The following ESRP1 variants were observed in gnomAD, a reference collection of about 807,000 sequenced individuals.
ESRP1 encodes RNA-binding motif protein 35A.
A neutral mutation model predicts 81.7 loss-of-function variants in ESRP1; 33 were observed. The observed-to-expected ratio is 0.40, with a 90% CI of 0.31 to 0.54. The LOEUF (loss-of-function observed/expected upper bound fraction) is 0.54. ESRP1 is among the 20% of genes least tolerant of loss of function. The pLI is 0.41. For synonymous variants in ESRP1, 320 were observed against 303.3 expected, an observed-to-expected ratio of 1.06 and a Z score of -0.57; for missense variants, 672 against 833.1, an observed-to-expected ratio of 0.81 and a Z score of 2.38.
chr8:94,643,418 T>TA lies in ESRP1; in HGVS notation c.375+4dup. On this transcript the variant is annotated splice_region_variant and intron_variant, in intron 3 of 15. Coordinates refer to ENST00000433389, the MANE Select transcript of ESRP1 (RefSeq NM_017697.4). ...CTGCATCCTGAGGCTTCCAAGAAGG[T>TA]AAGAGTGCTGGCTTCTGGGAAAAAA... The TA allele has an allele frequency of 6.2e-7, 1 of 1,602,426 alleles. No individual in the cohort carries two copies.
intron 13 of ESRP1, among the ~76,000 whole-genome samples, chr8:94,687,805 T>G (rs1809201939): frequency 6.6e-6 from 1 of 152,190 alleles, no homozygotes. Context: ...ATATTCTAAA[T>G]ATGAGATCTT....
intron 13 of ESRP1, among the ~76,000 whole-genome samples, chr8:94,686,410 C>G (rs1809142692): frequency 6.6e-6 from 1 of 152,190 alleles, no homozygotes; most frequent in African/African-American, 2.4e-5. Context: ...CTGTGATGCT[C>G]TAGCAGTTTT....
At chr8:94,649,215 T>A (rs1817995109) in intron 4 of ESRP1, among the ~76,000 whole-genome samples, 2 of 152,144 alleles carry the variant, frequency 1.3e-5, no homozygotes, top group Admixed American at 6.6e-5. Flanking sequence ...TAAAAAAAAA[T>A]TATTTTTCAA....
chr8:94,702,014 G>T (rs1472983443), intron 15 of ESRP1, among the ~76,000 whole-genome samples: 1 of 152,196 alleles, frequency 6.6e-6, no homozygotes, highest in African/African-American at 2.4e-5. Context: ...GGAGGTCGAG[G>T]TTGCGGTGAG....
chr8:94,682,656 C>CCAATGTGCTGGGAGTA (rs1563540574), intron 13 of ESRP1, among the ~76,000 whole-genome samples: 1 of 74,950 alleles, frequency 1.3e-5, no homozygotes, highest in East Asian at 1.0e-3. Context: ...TGTGAGCCAC[C>CCAATGTGCTGGGAGTA]ATGCCCAGCC....
chr8:94,704,738 G>A (rs967685029), intron 15 of ESRP1, among the ~76,000 whole-genome samples: 1 of 135,204 alleles, frequency 7.4e-6, no homozygotes, highest in Admixed American at 8.0e-5. Flanking sequence ...TCCAGCCTGG[G>A]TGACAATGCA....
At chr8:94,661,006 C>T (rs1469370942) in intron 4 of ESRP1, among the ~76,000 whole-genome samples, 1 of 152,054 alleles carries the variant, frequency 6.6e-6, no homozygotes, top group African/African-American at 2.4e-5. Context: ...TCACTGAGGG[C>T]TCAGATGATT....
intron 14 of ESRP1, among the ~76,000 whole-genome samples, chr8:94,693,554 CT>C (rs1248906806): frequency 6.6e-6 from 1 of 152,220 alleles, no homozygotes; most frequent in Non-Finnish European, 1.5e-5. Context: ...TAAATTCCTT[CT>C]TTCCTGCCAT....
At chr8:94,703,931 A>C (rs1282795361) in intron 15 of ESRP1, among the ~76,000 whole-genome samples, 4 of 152,168 alleles carry the variant, frequency 2.6e-5, no homozygotes, top group Non-Finnish European at 4.4e-5. Flanking sequence ...GATACTGATC[A>C]ATAGTGTTGG....
chr8:94,641,958 G>A lies in ESRP1; in HGVS notation c.135G>A (p.Val45=), dbSNP rs1390609662. ...CCCGTGCTTCTCTACCTTCGGAGGT[G>A]GGACAGTTGCACGAAGTGCTAGTTA... ...WKVVDLANKK[V]GQLHEVLVRP... The change falls in exon 2 of 16, where the codon GTG becomes GTA. Residue 45 remains valine, a splice_region_variant and synonymous_variant. Transcript: ENST00000433389. 6.2e-7 allele frequency: 1 copy of A among 1,613,710 alleles called. No individual in the cohort carries two copies. The highest frequency in any genetic ancestry group is 8.5e-7 in the Non-Finnish European group (1 of 1,179,784).
In ESRP1 at chr8:94,654,750, T is replaced by A. The variant is rs571480373; in HGVS notation, c.491-7522T>A. On this transcript the variant is annotated intron_variant, in intron 4 of 15. Transcript: ENST00000433389. ...CAGCCTAAGCAACACAGGGAGACCC[T>A]GTCTCTACAAAAATAAATCTAAAAA... is the stretch of plus-strand genomic sequence containing the variant. Among the ~76,000 whole-genome samples the A allele has an allele frequency of 4.6e-5, 7 of 152,096 alleles. No homozygotes were observed. In the South Asian group the frequency reaches 1.5e-3, roughly 32 times the overall value.
chr8:94,684,136 T>C (rs1362104529), intron 13 of ESRP1, among the ~76,000 whole-genome samples: 1 of 124,756 alleles, frequency 8.0e-6, no homozygotes, highest in East Asian at 2.8e-4. Context: ...TGTGAGCCAC[T>C]GCGCACGCCT....
At chr8:94,679,327 G>A (rs890870495) in intron 13 of ESRP1, among the ~76,000 whole-genome samples, 5 of 152,204 alleles carry the variant, frequency 3.3e-5, no homozygotes, top group Non-Finnish European at 7.3e-5. Flanking sequence ...AAAAGGCTAA[G>A]AAGCATGAGT....
In ESRP1 at chr8:94,642,005, C is replaced by G; in HGVS notation, c.182C>G (p.Thr61Arg). The G allele has an allele frequency of 6.2e-7, 1 of 1,613,992 alleles. No individual in the cohort carries two copies. The highest frequency in any genetic ancestry group is 8.5e-7 in the Non-Finnish European group (1 of 1,179,886). Residue 61 changes from threonine (T) to arginine (R), a missense_variant, in exon 2 of 16, where the codon ACG becomes AGG. Coordinates refer to ENST00000433389, the MANE Select transcript of ESRP1 (RefSeq NM_017697.4). ...GTTAGACCGGATCAGTTGGAACTGACGGAGGACTGCAAAGAAGAAACTAAA... is the reference window on the plus strand; with the variant it reads ...GTTAGACCGGATCAGTTGGAACTGAGGGAGGACTGCAAAGAAGAAACTAAA... ...VLVRPDQLEL[T>R]EDCKEETKID...
At chr8:94,676,322 A>G (rs1006010233) in intron 12 of ESRP1, among the ~76,000 whole-genome samples, 1 of 147,292 alleles carries the variant, frequency 6.8e-6, no homozygotes, top group African/African-American at 2.5e-5. Flanking sequence ...ACTATACTTC[A>G]GCCTGGGCGA....
At chr8:94,662,703 G>A (rs529240763) in intron 6 of ESRP1, 148 bp downstream of exon 6, 19 of 611,544 alleles carry the variant, frequency 3.1e-5, no homozygotes, top group African/African-American at 3.0e-4. Context: ...CGCCTCCCGG[G>A]TTCATGCCAT....
chr8:94,668,207 G>T lies in ESRP1; in HGVS notation c.1190G>T (p.Arg397Ile). 6.2e-7 allele frequency: 1 copy of T among 1,612,472 alleles called. No individual in the cohort carries two copies. The highest frequency in any genetic ancestry group is 8.5e-7 in the Non-Finnish European group (1 of 1,178,828). ...AAGCATAAAGACTTGTTGGGTAAAA[G>T]ATACATTGAACTCTTCAGGAGCACA... ...LRKHKDLLGK[R>I]YIELFRSTAA... The change falls in exon 10 of 16, where the codon AGA becomes ATA. Residue 397 changes from arginine (R) to isoleucine (I), a missense_variant. Physicochemically the swap from Arg to Ile is moderately conservative, Grantham distance 97. Coordinates refer to ENST00000433389, the MANE Select transcript of ESRP1 (RefSeq NM_017697.4).
intron 15 of ESRP1, among the ~76,000 whole-genome samples, chr8:94,700,926 C>G (rs1210570127): frequency 7.2e-6 from 1 of 139,268 alleles, no homozygotes; most frequent in Non-Finnish European, 1.5e-5. Context: ...AAGACTCCGA[C>G]TCAAAAAAAA....
intron 2 of ESRP1, 60 bp from the exon 3 acceptor site, chr8:94,643,243 C>T: frequency 8.3e-7 from 1 of 1,200,300 alleles, no homozygotes; most frequent in Middle Eastern, 1.9e-4. Context: ...AGGGGAGCTA[C>T]TTTGCAGAGT....
Sources: gnomAD v4.1 joint callset for allele counts (sites outside exome capture counted in the v4.1 genomes callset) on GRCh38, gnomAD v4.1.1 for gene constraint, MANE v1.5 for transcripts, NCBI Gene and HGNC (gene_info 2026-07-23, HGNC 2026-07-21) for gene names.